The following PITPNC1 variants were observed in gnomAD, a reference collection of about 807,000 sequenced individuals.
PITPNC1 encodes the protein phosphatidylinositol transfer protein cytoplasmic 1.
A neutral mutation model predicts 44.7 loss-of-function variants in PITPNC1; 18 were observed. The ratio of observed to expected loss-of-function variants is 0.40; its 90% CI spans 0.28 to 0.60. PITPNC1 has a LOEUF of 0.60. Ranked by LOEUF, PITPNC1 falls within the 20% of genes least tolerant of loss-of-function variation. PITPNC1 has a pLI of 0.39. For synonymous variants in PITPNC1, 141 were observed against 149.6 expected (o/e 0.94, Z 0.42); for missense variants, 290 against 418.4 (o/e 0.69, Z 2.68).
intron 4 of PITPNC1, 188 bp from the exon 5 acceptor site, chr17:67,577,998 G>A (rs551899123): frequency 1.6e-6 from 1 of 638,788 alleles, no homozygotes; most frequent in African/African-American, 1.8e-5. Context: ...CTGTCTGGAT[G>A]AAACTGTGTT....
At chr17:67,572,473 G>A (rs967848038) in intron 4 of PITPNC1, among the ~76,000 whole-genome samples, 5 of 113,944 alleles carry the variant, frequency 4.4e-5, no homozygotes, top group South Asian at 3.8e-4. Flanking sequence ...TAAAGCGGGG[G>A]GGGGGGGTAA....
At chr17:67,531,690 G>A (rs969961245) in intron 1 of PITPNC1, among the ~76,000 whole-genome samples, 11 of 152,256 alleles carry the variant, frequency 7.2e-5, no homozygotes, top group African/African-American at 2.2e-4. Context: ...CAGGGGACCC[G>A]CATCCCTGCA....
intron 2 of PITPNC1, among the ~76,000 whole-genome samples, chr17:67,547,396 G>A (rs2040699048): frequency 6.6e-6 from 1 of 152,060 alleles, no homozygotes; most frequent in African/African-American, 2.4e-5. Context: ...CATGCCTTTA[G>A]TCGCAACTAC....
chr17:67,690,402 C>T (rs1032480563), intron 8 of PITPNC1, among the ~76,000 whole-genome samples: 2 of 148,550 alleles, frequency 1.3e-5, no homozygotes, highest in Non-Finnish European at 3.0e-5. Context: ...GAGCCGAGAT[C>T]TCGCCGTTGC....
chr17:67,507,233 A>G (rs1244968962), intron 1 of PITPNC1, among the ~76,000 whole-genome samples: 1 of 152,194 alleles, frequency 6.6e-6, no homozygotes, highest in African/African-American at 2.4e-5. Flanking sequence ...TGCAGAACAG[A>G]GCAGGCAAGC....
intron 1 of PITPNC1, among the ~76,000 whole-genome samples, chr17:67,425,186 T>TGTGCGCGC (rs1447478316): frequency 2.2e-4 from 12 of 55,718 alleles, no homozygotes; most frequent in East Asian, 5.2e-4. Flanking sequence ...AGCCATGTTG[T>TGTGCGCGC]GCGCGCGCAC....
chr17:67,672,251 C>T (rs1436347625), intron 7 of PITPNC1, among the ~76,000 whole-genome samples: 2 of 151,894 alleles, frequency 1.3e-5, no homozygotes, highest in Non-Finnish European at 2.9e-5. Context: ...GTGTTTTCCA[C>T]TCACAAAGCA....
chr17:67,612,416 C>T (rs183525313), intron 5 of PITPNC1: 1 of 152,418 alleles, frequency 6.6e-6, no homozygotes, highest in East Asian at 1.9e-4. Flanking sequence ...CCCACTATCT[C>T]ACCAGGTCCT....
chr17:67,493,192 C>T (rs142612218), intron 1 of PITPNC1, among the ~76,000 whole-genome samples: 25 of 152,244 alleles, frequency 1.6e-4, no homozygotes, highest in African/African-American at 4.8e-4. Context: ...AAATGTTGAA[C>T]GCAGGGTTTT....
chr17:67,489,543 G>T (rs946271561), intron 1 of PITPNC1, among the ~76,000 whole-genome samples: 2 of 152,020 alleles, frequency 1.3e-5, no homozygotes. Context: ...GCTTATTGAT[G>T]TCCAGACCCC....
chr17:67,625,255 C>T (rs2144320309), intron 5 of PITPNC1, among the ~76,000 whole-genome samples: 1 of 152,266 alleles, frequency 6.6e-6, no homozygotes, highest in African/African-American at 2.4e-5. Flanking sequence ...CCTCCCACAC[C>T]CAGGTCCCAT....
Position 67,532,920 on chromosome 17 carries a change from AG to A in PITPNC1, c.168del (p.Gln56HisfsTer27). 1.2e-6 allele frequency: 2 copies of A among 1,611,046 alleles called. No individual in the cohort carries two copies. Among genetic ancestry groups the A allele is most frequent in the Non-Finnish European group, 1.7e-6 (2 of 1,179,082 alleles). On this transcript the variant is annotated frameshift_variant, in exon 2 of 9. Coordinates refer to ENST00000581322, the MANE Select transcript of PITPNC1 (RefSeq NM_012417.4). LOFTEE classifies it high-confidence loss of function. ...GAGGACCCTCACCATGGCAATGGGC[AG>A]TTCACCGAGAAGCGGGTGTATCTCA... ...PFEDPHHGNG[Q>X]FTEKRVYLNS...
At chr17:67,549,879 T>C (rs2040735784) in intron 2 of PITPNC1, among the ~76,000 whole-genome samples, 1 of 151,986 alleles carries the variant, frequency 6.6e-6, no homozygotes. Context: ...CCTGAGTCAG[T>C]CCATTAAAAG....
chr17:67,621,409 T>C (rs936526070), intron 5 of PITPNC1, among the ~76,000 whole-genome samples: 2 of 152,062 alleles, frequency 1.3e-5, no homozygotes, highest in African/African-American at 4.8e-5. Flanking sequence ...GGTTTCGCCA[T>C]GTTGGCCAGG....
intron 1 of PITPNC1, among the ~76,000 whole-genome samples, chr17:67,506,989 C>G (rs143194407): frequency 6.6e-6 from 1 of 151,852 alleles, no homozygotes; most frequent in Non-Finnish European, 1.5e-5. Flanking sequence ...GAAAACAAAT[C>G]GATGCTATAA....
chr17:67,481,245 C>T (rs954227200), intron 1 of PITPNC1, among the ~76,000 whole-genome samples: 3 of 152,170 alleles, frequency 2.0e-5, no homozygotes, highest in Non-Finnish European at 2.9e-5. Context: ...TGGGTGCTGT[C>T]GTGAGAAGGA....
At chr17:67,589,460 CA>C (rs1288332476) in intron 5 of PITPNC1, among the ~76,000 whole-genome samples, 1 of 152,186 alleles carries the variant, frequency 6.6e-6, no homozygotes, top group Admixed American at 6.5e-5. Context: ...GTGAGGGAGA[CA>C]GTTAACCAAA....
intron 8 of PITPNC1, among the ~76,000 whole-genome samples, chr17:67,689,352 G>A (rs1056609851): frequency 1.8e-4 from 28 of 152,238 alleles, no homozygotes; most frequent in African/African-American, 6.0e-4. Flanking sequence ...CGTTGTTCCC[G>A]TGACTTCAGG....
chr17:67,384,345 G>A (rs2038008788), intron 1 of PITPNC1, among the ~76,000 whole-genome samples: 1 of 152,110 alleles, frequency 6.6e-6, no homozygotes, highest in South Asian at 2.1e-4. Flanking sequence ...ACATTTCTGA[G>A]AACGGATTTG....
Sources: gnomAD v4.1 joint callset for allele counts (sites outside exome capture counted in the v4.1 genomes callset) on GRCh38, gnomAD v4.1.1 for gene constraint, MANE v1.5 for transcripts, NCBI Gene and HGNC (gene_info 2026-07-23, HGNC 2026-07-21) for gene names.